Variants in TMEM204 observed in about 807,000 individuals in gnomAD.
The protein encoded by TMEM204 is claudin-like protein 24.
In TMEM204, 15 loss-of-function variants were observed where a neutral mutation model predicts 19.4. That is an observed-to-expected ratio of 0.77 (90% CI 0.52 to 1.19). The LOEUF (loss-of-function observed/expected upper bound fraction) is 1.19, where lower values mean the gene tolerates loss of function less well. TMEM204 is among the 50% of genes most tolerant of loss of function. The pLI, the probability that TMEM204 is intolerant of heterozygous loss-of-function variation, is 0.00. For synonymous variants in TMEM204, 161 were observed against 146.0 expected (o/e 1.10, Z -0.74); for missense variants, 287 against 321.2 (o/e 0.89, Z 0.81).
At chr16:1,550,722 T>G (rs901153654) in intron 2 of TMEM204, among the ~76,000 whole-genome samples, 1 of 152,224 alleles carries the variant, frequency 6.6e-6, no homozygotes, top group Non-Finnish European at 1.5e-5. Flanking sequence ...CCTGCAAGCT[T>G]GACCCTCCAC....
At chr16:1,536,254 G>A (rs2294624) in intron 1 of TMEM204, among the ~76,000 whole-genome samples, 22,692 of 152,212 alleles carry the variant, frequency 0.15, 1,883 homozygotes, top group Admixed American at 0.23. Context: ...CGTTCCTCCA[G>A]TCACAGGGCC....
intron 2 of TMEM204, among the ~76,000 whole-genome samples, chr16:1,547,495 C>T (rs1159787160): frequency 6.6e-6 from 1 of 152,176 alleles, no homozygotes; most frequent in Admixed American, 6.5e-5. Context: ...TGGAAATATA[C>T]ACTTTTTTGT....
At chr16:1,546,281 C>T (rs1452714161) in intron 2 of TMEM204, among the ~76,000 whole-genome samples, 1 of 152,220 alleles carries the variant, frequency 6.6e-6, no homozygotes, top group Non-Finnish European at 1.5e-5. Context: ...CAGCCTAGGC[C>T]GGGAGGCTCC....
At chr16:1,536,213 C>T (rs911455557) in intron 1 of TMEM204, among the ~76,000 whole-genome samples, 4 of 152,260 alleles carry the variant, frequency 2.6e-5, no homozygotes, top group African/African-American at 9.6e-5. Context: ...CAGCTGGAAG[C>T]CTTGGCGCCC....
chr16:1,536,386 C>T (rs2031074616), intron 1 of TMEM204, among the ~76,000 whole-genome samples: 2 of 152,220 alleles, frequency 1.3e-5, no homozygotes, highest in African/African-American at 4.8e-5. Flanking sequence ...CCTGGACTGC[C>T]TCCTGCTCAC....
chr16:1,548,988 C>T (rs749943226), intron 2 of TMEM204, among the ~76,000 whole-genome samples: 1 of 152,234 alleles, frequency 6.6e-6, no homozygotes, highest in Non-Finnish European at 1.5e-5. Flanking sequence ...AGGATCTGGG[C>T]CACCGTCCTC....
Position 1,534,367 on chromosome 16 carries a change from T to A in TMEM204, c.92T>A (p.Val31Glu). Residue 31 changes from valine (V) to glutamate (E), a missense_variant, in exon 1 of 3, where the codon GTG (valine) becomes GAG (glutamate). Coordinates refer to ENST00000566264, the MANE Select transcript of TMEM204 (RefSeq NM_024600.6). ...NNVAAFTSNWVCQTLEDGRRR... is the reference protein window; with the variant it reads ...NNVAAFTSNWECQTLEDGRRR... ...GTGGCGGCCTTCACCTCCAACTGGGTGTGCCAGACGCTGGAGGATGGGCGC... is the reference window on the plus strand; with the variant it reads ...GTGGCGGCCTTCACCTCCAACTGGGAGTGCCAGACGCTGGAGGATGGGCGC... 1 of 1,612,826 alleles carries A rather than the reference T, an allele frequency of 6.2e-7. No individual in the cohort carries two copies. Among genetic ancestry groups the A allele is most frequent in the Non-Finnish European group, 8.5e-7 (1 of 1,179,866 alleles).
chr16:1,553,385 G>A lies in TMEM204; in HGVS notation c.437-1397G>A, dbSNP rs1303314887. On this transcript the variant is annotated intron_variant, in intron 2 of 2. Coordinates refer to ENST00000566264, the MANE Select transcript of TMEM204 (RefSeq NM_024600.6). The surrounding 1 kb of genome is among the most constrained non-coding windows in gnomAD (Gnocchi z 4.4). ...GCTGGGGCCACACAGGGCAGGGCAT[G>A]ATTTGGTTTCCTGGGGAATGCAGGG... 1.0e-6 allele frequency: 1 copy of A among 985,264 alleles called. No homozygotes were observed. Among genetic ancestry groups the A allele is most frequent in the Admixed American group, 6.1e-5 (1 of 16,270 alleles). 61.0% of individuals were successfully genotyped at this position (985,264 alleles called of 1,614,324 possible). A position where few individuals can be genotyped will look rare whatever the true frequency, so the allele number is the denominator to read the frequency against.
chr16:1,529,162 A>G (rs141207989), upstream of TMEM204, among the ~76,000 whole-genome samples: 1 of 152,274 alleles, frequency 6.6e-6, no homozygotes, highest in African/African-American at 2.4e-5. Context: ...GGTGAATTCC[A>G]CGGACGCATT....
At chr16:1,544,328 C>T (rs1038012580) in intron 2 of TMEM204, among the ~76,000 whole-genome samples, 10 of 151,910 alleles carry the variant, frequency 6.6e-5, no homozygotes, top group African/African-American at 2.2e-4. Context: ...GGACTACAGG[C>T]GCCCGCCACC....
intron 1 of TMEM204, chr16:1,540,928 T>C (rs1254527108): frequency 2.8e-5 from 28 of 985,180 alleles, no homozygotes; most frequent in Middle Eastern, 5.2e-4. Flanking sequence ...AGCACACACA[T>C]TGTCTGCTCT....
chr16:1,530,102 C>G (rs1315758048), upstream of TMEM204, among the ~76,000 whole-genome samples: 1 of 149,060 alleles, frequency 6.7e-6, no homozygotes, highest in East Asian at 2.0e-4. Flanking sequence ...CTTTTTTACT[C>G]TCCTGTCCCA....
chr16:1,550,036 G>C (rs1161647632), intron 2 of TMEM204, among the ~76,000 whole-genome samples: 1 of 151,976 alleles, frequency 6.6e-6, no homozygotes, highest in African/African-American at 2.4e-5. Flanking sequence ...GCTTACTGCA[G>C]ACTCGACCTC....
chr16:1,528,909 C>T (rs992212205), upstream of TMEM204: 1 of 152,218 alleles, frequency 6.6e-6, no homozygotes, highest in African/African-American at 2.4e-5. Context: ...ACGGTGGTAC[C>T]TCCATCTCCG....
At chr16:1,537,591 C>G (rs550919050) in intron 1 of TMEM204, among the ~76,000 whole-genome samples, 1 of 152,348 alleles carries the variant, frequency 6.6e-6, no homozygotes, top group Non-Finnish European at 1.5e-5. Context: ...CAGGGGTGCT[C>G]TTTCCCTGTG....
chr16:1,537,703 C>T (rs1040702338), intron 1 of TMEM204, among the ~76,000 whole-genome samples: 15 of 152,242 alleles, frequency 9.9e-5, no homozygotes, highest in African/African-American at 3.1e-4. Context: ...TGGATATTTA[C>T]GTCATCTCTC....
intron 2 of TMEM204, among the ~76,000 whole-genome samples, chr16:1,554,381 A>G (rs895482080): frequency 7.9e-5 from 12 of 152,232 alleles, no homozygotes; most frequent in African/African-American, 2.9e-4. Context: ...ATTACTGCTG[A>G]GTCTGGGGGG....
chr16:1,540,436 C>T (rs552927828), intron 1 of TMEM204, among the ~76,000 whole-genome samples: 12 of 152,244 alleles, frequency 7.9e-5, no homozygotes, highest in Non-Finnish European at 1.6e-4. Flanking sequence ...GCGTGAACCT[C>T]GACAGCTTCC....
rs2032618767 is a variant in TMEM204, at chr16:1,551,331, AGC to A, written c.437-3450_437-3449del. Among the ~76,000 whole-genome samples, 1 of 152,072 alleles carries A rather than the reference AGC, an allele frequency of 6.6e-6. No individual in the cohort carries two copies. The highest frequency in any genetic ancestry group is 1.5e-5 in the Non-Finnish European group (1 of 68,014). ...CTAAGCCGAGGCCCGAAGGATCAGC[AGC>A]AGGAGGGGCCCCTCCTCCCCAGGGC... On this transcript the variant is annotated intron_variant, in intron 2 of 2. Transcript: ENST00000566264. The surrounding 1 kb of genome is among the most constrained non-coding windows in gnomAD (Gnocchi z 4.0).
Sources: allele counts gnomAD v4.1 joint callset (sites outside exome capture counted in the v4.1 genomes callset), GRCh38; gene constraint gnomAD v4.1.1; non-coding constraint Gnocchi (gnomAD v3.1); transcripts MANE v1.5; gene names NCBI Gene and HGNC (gene_info 2026-07-23, HGNC 2026-07-21).